Variants in RTF1 observed in about 807,000 individuals in gnomAD.
The protein encoded by RTF1 is RTF1 homolog, Paf1/RNA polymerase II complex component, also known as RNA polymerase-associated protein RTF1 homolog.
RTF1 carries 10 observed loss-of-function variants against 95.7 expected under a neutral mutation model. That is an observed-to-expected ratio of 0.10 (90% CI 0.06 to 0.18). The LOEUF (loss-of-function observed/expected upper bound fraction) is 0.18. RTF1 is among the 10% of genes least tolerant of loss of function. RTF1 has a pLI of 1.00. For missense variants in RTF1, 458 were observed against 875.6 expected (o/e 0.52, Z 6.02); for synonymous variants, 305 against 311.8 (o/e 0.98, Z 0.23).
chr15:41,469,877 G>A (rs1387397765), intron 6 of RTF1, among the ~76,000 whole-genome samples: 1 of 152,118 alleles, frequency 6.6e-6, no homozygotes, highest in Non-Finnish European at 1.5e-5. Context: ...TGTACCAGTG[G>A]TGATTTAGCC....
At chr15:41,464,343 G>A (rs1274721638) in intron 4 of RTF1, among the ~76,000 whole-genome samples, 1 of 150,872 alleles carries the variant, frequency 6.6e-6, no homozygotes, top group Non-Finnish European at 1.5e-5. Context: ...CTCCCTCCCG[G>A]ATTAAAGCGA....
At chr15:41,434,756 T>C (rs371999901) in intron 1 of RTF1, among the ~76,000 whole-genome samples, 6 of 149,736 alleles carry the variant, frequency 4.0e-5, no homozygotes, top group African/African-American at 1.2e-4. Context: ...GCCTCCCGAG[T>C]AGCTGGGATT....
chr15:41,458,354 G>T (rs1421899871), intron 4 of RTF1, among the ~76,000 whole-genome samples: 2 of 152,140 alleles, frequency 1.3e-5, no homozygotes, highest in Non-Finnish European at 2.9e-5. Flanking sequence ...GATTTAGCTG[G>T]TAAGTGGTAG....
At chr15:41,428,489 C>T (rs1407912125) in intron 1 of RTF1, among the ~76,000 whole-genome samples, 3 of 150,574 alleles carry the variant, frequency 2.0e-5, no homozygotes, top group African/African-American at 7.3e-5. Context: ...AGGATGGTCT[C>T]GATCTCCTGA....
intron 11 of RTF1, 144 bp from the exon 12 acceptor site, chr15:41,476,300 GCT>G (rs143834672): frequency 8.4e-3 from 4,920 of 583,002 alleles, no homozygotes; most frequent in South Asian, 0.011. Flanking sequence ...GAATGAACCC[GCT>G]CTCTCTCTCT....
chr15:41,449,317 G>A (rs1185061105), intron 2 of RTF1, among the ~76,000 whole-genome samples: 5 of 141,238 alleles, frequency 3.5e-5, no homozygotes, highest in East Asian at 2.1e-4. Context: ...TGCAAGCTCC[G>A]CCTCCCGGGT....
chr15:41,469,782 C>T (rs1325071030), intron 6 of RTF1, among the ~76,000 whole-genome samples: 1 of 152,186 alleles, frequency 6.6e-6, no homozygotes, highest in Non-Finnish European at 1.5e-5. Flanking sequence ...GCCTCTGCCT[C>T]CCAAAGTGCT....
intron 2 of RTF1, among the ~76,000 whole-genome samples, chr15:41,451,804 T>C (rs1281919112): frequency 6.6e-6 from 1 of 152,172 alleles, no homozygotes; most frequent in Non-Finnish European, 1.5e-5. Context: ...CCCAGACATA[T>C]CAGCCATTAA....
At chr15:41,432,579 A>G (rs906533820) in intron 1 of RTF1, among the ~76,000 whole-genome samples, 1 of 152,082 alleles carries the variant, frequency 6.6e-6, no homozygotes, top group African/African-American at 2.4e-5. Context: ...GTAACTTTTA[A>G]CAGATGTCTA....
intron 1 of RTF1, among the ~76,000 whole-genome samples, chr15:41,422,839 G>C (rs747933382): frequency 6.6e-6 from 1 of 152,104 alleles, no homozygotes; most frequent in Non-Finnish European, 1.5e-5. Context: ...GCAGTGGCGC[G>C]ATCTTGGCTC....
In RTF1 at chr15:41,477,523, A is replaced by G. The variant is rs1335726383; in HGVS notation, c.1740+8A>G. On this transcript the variant is annotated splice_region_variant and intron_variant, in intron 14 of 17. Coordinates refer to ENST00000389629, the MANE Select transcript of RTF1 (RefSeq NM_015138.5). ...TCTGAGAAGGCCCTTGTGGTAAGAA[A>G]ACTTTATCTGAATCACTAAAACAAA... The G allele has an allele frequency of 6.2e-7, 1 of 1,612,220 alleles. No homozygotes were observed. Among genetic ancestry groups the G allele is most frequent in the Non-Finnish European group, 8.5e-7 (1 of 1,178,218 alleles).
At chr15:41,438,527 T>C in intron 2 of RTF1, 96 bp downstream of exon 2, 1 of 726,758 alleles carries the variant, frequency 1.4e-6, no homozygotes, top group South Asian at 1.8e-5. Flanking sequence ...AATGGAGACT[T>C]ACAGCCTAAG....
chr15:41,477,560 A>C, intron 14 of RTF1, 45 bp downstream of exon 14: 1 of 1,540,720 alleles, frequency 6.5e-7, no homozygotes, highest in Non-Finnish European at 9.0e-7. Context: ...TTAATTAATA[A>C]ACCATGACAT....
At chr15:41,426,777 ATATATGTGTG>A (rs1566835810) in intron 1 of RTF1, among the ~76,000 whole-genome samples, 3 of 47,176 alleles carry the variant, frequency 6.4e-5, no homozygotes, top group Non-Finnish European at 9.1e-5. Flanking sequence ...GCCGCTACAT[ATATATGTGTG>A]TGTGTGTGTG....
At chr15:41,422,551 C>G (rs867385105) in intron 1 of RTF1, among the ~76,000 whole-genome samples, 1 of 152,022 alleles carries the variant, frequency 6.6e-6, no homozygotes. Context: ...AATAAAGGAA[C>G]CAGAGTTCTC....
chr15:41,443,288 A>T (rs889247138), intron 2 of RTF1, among the ~76,000 whole-genome samples: 3 of 152,324 alleles, frequency 2.0e-5, no homozygotes, highest in Admixed American at 6.5e-5. Context: ...TTTCACATAT[A>T]ATGTAGCTTG....
In RTF1 at chr15:41,464,786, A is replaced by G; in HGVS notation, c.678A>G (p.Lys226=). 6.4e-7 allele frequency: 1 copy of G among 1,572,548 alleles called. No homozygotes were observed. Among genetic ancestry groups the G allele is most frequent in the Non-Finnish European group, 8.6e-7 (1 of 1,163,520 alleles). The part of the protein sequence containing the change: ...EVLKRRFEIK[K]KLKTAKKKEK... Reference sequence around the variant, plus strand: ...TTTTAACCAGATTTGAAATCAAGAAAAAACTAAAAACAGCCAAAAAGAAAG... The same window carrying G: ...TTTTAACCAGATTTGAAATCAAGAAGAAACTAAAAACAGCCAAAAAGAAAG... The change falls in exon 5 of 18, where the codon AAA becomes AAG. Residue 226 remains lysine, a synonymous_variant. Transcript: ENST00000389629.
intron 2 of RTF1, among the ~76,000 whole-genome samples, chr15:41,445,527 A>G (rs942388689): frequency 3.3e-5 from 5 of 152,196 alleles, no homozygotes; most frequent in African/African-American, 1.2e-4. Context: ...AGGATTCTCT[A>G]TGCTTTCCAG....
chr15:41,426,882 C>T (rs2050636279), intron 1 of RTF1, among the ~76,000 whole-genome samples: 2 of 149,554 alleles, frequency 1.3e-5, no homozygotes, highest in Admixed American at 1.4e-4. Context: ...CACTCTGTTG[C>T]CCAGGCTGGA....
Sources: gnomAD v4.1 joint callset for allele counts (sites outside exome capture counted in the v4.1 genomes callset) on GRCh38, gnomAD v4.1.1 for gene constraint, MANE v1.5 for transcripts, NCBI Gene and HGNC (gene_info 2026-07-23, HGNC 2026-07-21) for gene names.